Variants in TRIM9 observed in about 807,000 individuals in gnomAD.
TRIM9 encodes tripartite motif containing 9, also known as E3 ubiquitin-protein ligase TRIM9.
TRIM9 carries 26 observed loss-of-function variants against 78.3 expected under a neutral mutation model. The ratio of observed to expected loss-of-function variants is 0.33; its 90% CI spans 0.24 to 0.46. The LOEUF (loss-of-function observed/expected upper bound fraction) is 0.46. TRIM9 is among the 20% of genes least tolerant of loss of function. The probability of loss-of-function intolerance (pLI) is 1.00; values close to 1 mark genes in which losing one functional copy is unlikely to be tolerated. For missense variants in TRIM9, 787 were observed against 1,036.4 expected (o/e 0.76, Z 3.30); for synonymous variants, 398 against 416.5 (o/e 0.96, Z 0.54).
intron 1 of TRIM9, among the ~76,000 whole-genome samples, chr14:51,072,274 T>C (rs2062355166): frequency 6.6e-6 from 1 of 152,098 alleles, no homozygotes; most frequent in Admixed American, 6.5e-5. Flanking sequence ...TTTTACTACA[T>C]TAAAAAAAAC....
chr14:51,041,730 ATCTG>A (rs1443762748), intron 1 of TRIM9, among the ~76,000 whole-genome samples: 5 of 152,162 alleles, frequency 3.3e-5, no homozygotes, highest in Non-Finnish European at 7.3e-5. Context: ...CTTCTGAGTA[ATCTG>A]TCTTATTTTA....
In TRIM9 at chr14:51,068,171, T is replaced by C. The variant is rs77115927; in HGVS notation, c.822+25947A>G. Reference sequence around the variant, plus strand: ...CAGGTGATGGTCTGCAGACCACATCTTGAGAACCACTGAACTAGTATTTAC... The same window carrying C: ...CAGGTGATGGTCTGCAGACCACATCCTGAGAACCACTGAACTAGTATTTAC... On this transcript the variant is annotated intron_variant, in intron 1 of 12. Transcript: ENST00000684578. Among the ~76,000 whole-genome samples the C allele has an allele frequency of 2.8e-3, 421 of 152,302 alleles. 1 individual carries two copies. Among genetic ancestry groups the C allele is most frequent in the African/African-American group, 9.5e-3 (394 of 41,552 alleles).
intron 1 of TRIM9, among the ~76,000 whole-genome samples, chr14:51,049,127 T>C (rs2060186473): frequency 6.6e-6 from 1 of 152,140 alleles, no homozygotes; most frequent in Admixed American, 6.5e-5. Context: ...AGAAGCGCAG[T>C]CCCGGCTCAC....
rs915299368 is a variant in TRIM9 at position 51,030,737 on chromosome 14, TGGGGAGGCTCTTGGCTTTG to T, written c.823-5396_823-5378del. ...TGTGAGATATGTCATCAGTGGAGTA[TGGGGAGGCTCTTGGCTTTG>T]GGGGAGGCTCTTGGCTTTGAGCAAG... On this transcript the variant is annotated intron_variant, in intron 1 of 12. Transcript: ENST00000684578. Among the ~76,000 whole-genome samples, 63 of 152,126 alleles carry T rather than the reference TGGGGAGGCTCTTGGCTTTG, an allele frequency of 4.1e-4. 3 individuals are homozygous for T. The highest frequency in any genetic ancestry group is 2.1e-4 in the South Asian group (1 of 4,808).
At chr14:51,073,971 C>A (rs1321325568) in intron 1 of TRIM9, among the ~76,000 whole-genome samples, 1 of 152,158 alleles carries the variant, frequency 6.6e-6, no homozygotes, top group African/African-American at 2.4e-5. Context: ...AGGTCAGCAA[C>A]CTCAGGTAGG....
At chr14:51,081,279 A>G (rs1404572320) in intron 1 of TRIM9, among the ~76,000 whole-genome samples, 2 of 152,242 alleles carry the variant, frequency 1.3e-5, no homozygotes, top group Non-Finnish European at 2.9e-5. Context: ...AGGGAAATGC[A>G]AATCAAAACC....
Position 51,010,451 on chromosome 14 carries a change from T to TGG in TRIM9, c.1083_1084dup (p.Gln362ProfsTer13). On this transcript the variant is annotated frameshift_variant, in exon 4 of 13. Transcript: ENST00000684578. LOFTEE classifies it high-confidence loss of function. ...GCAGTACTCCATGAGACCTGTGGTC[T>TGG]GGCGCAATTTCACTGTGCAGTGAGA... is the stretch of plus-strand genomic sequence containing the variant. 6.2e-7 allele frequency: 1 copy of TGG among 1,614,006 alleles called. No individual in the cohort carries two copies. The highest frequency in any genetic ancestry group is 8.5e-7 in the Non-Finnish European group (1 of 1,179,984).
intron 1 of TRIM9, among the ~76,000 whole-genome samples, chr14:51,091,687 C>T (rs933096678): frequency 6.6e-6 from 1 of 151,970 alleles, no homozygotes; most frequent in African/African-American, 2.4e-5. Flanking sequence ...TTTTTCTTGG[C>T]AGTTTAGTAA....
intron 1 of TRIM9, among the ~76,000 whole-genome samples, chr14:51,083,436 T>A (rs2063489180): frequency 6.6e-6 from 1 of 151,800 alleles, no homozygotes; most frequent in Non-Finnish European, 1.5e-5. Flanking sequence ...AAAAAATTTT[T>A]TTTTTAGAGA....
At chr14:51,077,386 G>GTTTTTTTTTTTTTTTT (rs146912763) in intron 1 of TRIM9, among the ~76,000 whole-genome samples, 5 of 97,704 alleles carry the variant, frequency 5.1e-5, no homozygotes, top group Non-Finnish European at 7.6e-5. Context: ...CTCCAATTCT[G>GTTTTTTTTTTTTTTTT]TTTTTTTTTT....
intron 1 of TRIM9, among the ~76,000 whole-genome samples, chr14:51,027,941 A>G (rs1342106294): frequency 6.6e-6 from 1 of 152,146 alleles, no homozygotes; most frequent in East Asian, 1.9e-4. Flanking sequence ...GTTTCAGTAC[A>G]GAAGTAAAAT....
chr14:51,010,855 G>C (rs1278990391), intron 3 of TRIM9, among the ~76,000 whole-genome samples: 1 of 152,146 alleles, frequency 6.6e-6, no homozygotes, highest in Non-Finnish European at 1.5e-5. Flanking sequence ...CTGTGGAGGA[G>C]CTATAGTTCC....
chr14:51,005,095 C>T (rs1466697135), intron 5 of TRIM9, among the ~76,000 whole-genome samples: 1 of 152,174 alleles, frequency 6.6e-6, no homozygotes, highest in African/African-American at 2.4e-5. Context: ...AAAGCTATTA[C>T]CGGTACACTG....
chr14:51,062,301 G>A (rs1167909453), intron 1 of TRIM9, among the ~76,000 whole-genome samples: 1 of 152,128 alleles, frequency 6.6e-6, no homozygotes, highest in African/African-American at 2.4e-5. Flanking sequence ...CTTTGGGCAT[G>A]CCGTGTAGAC....
intron 7 of TRIM9, among the ~76,000 whole-genome samples, chr14:50,989,100 C>T (rs1199644716): frequency 6.6e-6 from 1 of 152,204 alleles, no homozygotes; most frequent in Non-Finnish European, 1.5e-5. Context: ...GTCACCAATC[C>T]TCTTTAAATC....
Position 51,094,402 on chromosome 14 carries a change from C to A in TRIM9, c.538G>T (p.Val180Phe), listed in dbSNP as rs754980095. The A allele has an allele frequency of 1.9e-6, 3 of 1,613,930 alleles. No individual in the cohort carries two copies. Among genetic ancestry groups the A allele is most frequent in the Non-Finnish European group, 2.5e-6 (3 of 1,180,014 alleles). Residue 180 changes from valine (V) to phenylalanine (F), a missense_variant, in exon 1 of 13, where the codon GTC (valine) becomes TTC (phenylalanine). This residue lies in a region of TRIM9 where 352 missense variants were observed against 472.3 expected (regional missense o/e 0.75). Coordinates refer to ENST00000684578, the MANE Select transcript of TRIM9 (RefSeq NM_001387360.1). The stretch of plus-strand genomic sequence containing the variant: ...AAGACATCGCACTGTTCGCACATGA[C>A]GGTGGCTTCCTTGGGCGCCTTCTCG... ...LCEKAPKEAT[V>F]MCEQCDVFYC...
At chr14:51,014,665 C>A (rs2056957257) in intron 3 of TRIM9, among the ~76,000 whole-genome samples, 1 of 152,194 alleles carries the variant, frequency 6.6e-6, no homozygotes, top group Admixed American at 6.5e-5. Context: ...CTCTAGTTGT[C>A]TTTATCAACT....
At chr14:51,016,251 T>G (rs2057179719) in intron 3 of TRIM9, among the ~76,000 whole-genome samples, 1 of 152,198 alleles carries the variant, frequency 6.6e-6, no homozygotes, top group Admixed American at 6.5e-5. Flanking sequence ...GGCCGTGGAC[T>G]GGCACTGGTC....
At position 51,000,776 on chromosome 14, in the gene TRIM9, G is replaced by T. The variant is rs544784389; in HGVS notation, c.1371C>A (p.Ser457Arg). ...GTGGCTGTTTCCAGGACAACGTAGCGCTGTTGTTGTGGGTACAACATTCCT... is the reference window on the plus strand; with the variant it reads ...GTGGCTGTTTCCAGGACAACGTAGCTCTGTTGTTGTGGGTACAACATTCCT... Reference protein sequence around the residue: ...QLEECCTHNNSATLSWKQPPL... With the variant: ...QLEECCTHNNRATLSWKQPPL... The change falls in exon 6 of 13, where the codon AGC (serine) becomes AGA (arginine). Residue 457 changes from serine to arginine, a missense_variant. Physicochemically the swap from Ser to Arg is moderately radical, Grantham distance 110. Around this residue, in one of 3 missense-constraint regions of TRIM9, gnomAD observed 421 missense variants for 514.3 expected, o/e 0.82. Transcript: ENST00000684578. 1 of 1,614,228 alleles carries T rather than the reference G, an allele frequency of 6.2e-7. No homozygotes were observed. Among genetic ancestry groups the T allele is most frequent in the East Asian group, 2.2e-5 (1 of 44,894 alleles).
Sources: gnomAD v4.1 joint callset for allele counts (sites outside exome capture counted in the v4.1 genomes callset) on GRCh38, gnomAD v4.1.1 for gene constraint, gnomAD v4.1.1 regional missense constraint, MANE v1.5 for transcripts, NCBI Gene and HGNC (gene_info 2026-07-23, HGNC 2026-07-21) for gene names.